Variants in TXNDC12 observed in about 807,000 individuals in gnomAD.
The protein encoded by TXNDC12 is thioredoxin domain containing 12, also known as thioredoxin domain-containing protein 12.
A neutral mutation model predicts 24.2 loss-of-function variants in TXNDC12; 22 were observed. The observed-to-expected ratio is 0.91, with a 90% CI of 0.65 to 1.30. The LOEUF (loss-of-function observed/expected upper bound fraction) is 1.30. TXNDC12 is among the 50% of genes most tolerant of loss of function. TXNDC12 has a pLI of 0.00. For synonymous variants in TXNDC12, 58 were observed against 73.4 expected, an observed-to-expected ratio of 0.79 and a Z score of 1.07; for missense variants, 184 against 205.8, an observed-to-expected ratio of 0.89 and a Z score of 0.65.
intron 1 of TXNDC12, among the ~76,000 whole-genome samples, chr1:52,046,867 ATATAT>A (rs1489730586): frequency 0.14 from 4,495 of 31,180 alleles, 94 homozygotes; most frequent in Non-Finnish European, 0.26. Flanking sequence ...AAAAAAAAAA[ATATAT>A]ATATATATAT....
intron 6 of TXNDC12, among the ~76,000 whole-genome samples, chr1:52,022,016 A>T (rs934055832): frequency 6.6e-6 from 1 of 152,102 alleles, no homozygotes; most frequent in African/African-American, 2.4e-5. Flanking sequence ...AGAATTGGAG[A>T]CCTAAAGCCC....
In TXNDC12 at chr1:52,055,140, C is replaced by A; in HGVS notation, c.-44G>T. The A allele has an allele frequency of 7.1e-7, 1 of 1,407,984 alleles. No individual in the cohort carries two copies. The highest frequency in any genetic ancestry group is 1.0e-6 in the Non-Finnish European group (1 of 993,986). The allele number at this position is 1,407,984 out of a possible 1,614,324, so 87.2% of individuals were successfully genotyped here. Reference sequence around the variant, plus strand: ...CCACGGGGCTGAGCGGACGCAGGGCCGGAGTCCCAGCAGACGGTCCACACA... The same window carrying A: ...CCACGGGGCTGAGCGGACGCAGGGCAGGAGTCCCAGCAGACGGTCCACACA... On this transcript the variant is annotated 5_prime_UTR_variant, in exon 1 of 7. Coordinates refer to ENST00000371626, the MANE Select transcript of TXNDC12 (RefSeq NM_015913.4).
In TXNDC12 at chr1:52,024,500, T is replaced by C. The variant is rs370808707; in HGVS notation, c.355+10A>G. 1.5e-5 allele frequency: 24 copies of C among 1,606,660 alleles called. No individual in the cohort carries two copies. The Middle Eastern group carries it at 2.3e-3, about 155-fold the overall frequency. On this transcript the variant is annotated intron_variant, in intron 5 of 6. Coordinates refer to ENST00000371626, the MANE Select transcript of TXNDC12 (RefSeq NM_015913.4). ...ATCATGGATTCCCAGGTTAAGATCA[T>C]GTGCCTTACCCAGAAAAAGGATTCG...
chr1:52,046,543 TC>T (rs1190059826), intron 1 of TXNDC12, among the ~76,000 whole-genome samples: 1 of 152,084 alleles, frequency 6.6e-6, no homozygotes, highest in Admixed American at 6.6e-5. Flanking sequence ...ACCAAGACAG[TC>T]CAAGGAGAAA....
rs138643853 is a variant in TXNDC12, at chr1:52,039,237, C to T, written c.158+2300G>A. On this transcript the variant is annotated intron_variant, in intron 2 of 6. Transcript: ENST00000371626. ...TGCTTCTTGGGAACACTTCCAGCAT[C>T]ACCAATGGCACCTTGTATGGGTTTC... 2.4e-3 allele frequency among the ~76,000 whole-genome samples: 364 copies of T among 152,198 alleles called. 1 individual carries two copies. Among genetic ancestry groups the T allele is most frequent in the African/African-American group, 8.5e-3 (355 of 41,524 alleles).
intron 4 of TXNDC12, 29 bp downstream of exon 4, chr1:52,027,246 G>A: frequency 6.5e-7 from 1 of 1,527,108 alleles, no homozygotes; most frequent in Non-Finnish European, 9.0e-7. Flanking sequence ...TAAAATCATA[G>A]CAGAAAGGAG....
intron 2 of TXNDC12, among the ~76,000 whole-genome samples, chr1:52,036,656 A>G (rs1266794504): frequency 1.3e-5 from 2 of 152,230 alleles, no homozygotes; most frequent in African/African-American, 2.4e-5. Context: ...TTCAGGGCAC[A>G]TATCTTAGAA....
chr1:52,027,784 T>C (rs1486654618), intron 3 of TXNDC12, among the ~76,000 whole-genome samples: 1 of 149,606 alleles, frequency 6.7e-6, no homozygotes, highest in Non-Finnish European at 1.5e-5. Context: ...ATATGTTATA[T>C]ATGTTATGTA....
rs185781997 is a variant in TXNDC12, at chr1:52,035,506, A to G, written c.158+6031T>C. 2.0e-5 allele frequency among the ~76,000 whole-genome samples: 3 copies of G among 152,260 alleles called. No individual in the cohort carries two copies. In the East Asian group the frequency reaches 5.8e-4, roughly 29 times the overall value. ...TAGATCACCTGAGGTCAGGAGCTCGAGACCAGTCTGGCCAACATGGTGAAA... is the reference window on the plus strand; with the variant it reads ...TAGATCACCTGAGGTCAGGAGCTCGGGACCAGTCTGGCCAACATGGTGAAA... On this transcript the variant is annotated intron_variant, in intron 2 of 6. Transcript: ENST00000371626.
intron 2 of TXNDC12, among the ~76,000 whole-genome samples, chr1:52,031,095 ACCAGGTTTCCAAAGCATTTTG>A (rs1685745653): frequency 1.3e-5 from 2 of 151,460 alleles, no homozygotes; most frequent in South Asian, 2.1e-4. Context: ...AGTCCTCTTC[ACCAGGTTTCCAAAGCATTTTG>A]TCTTTTGTCA....
At chr1:52,035,643 C>T (rs1022482172) in intron 2 of TXNDC12, among the ~76,000 whole-genome samples, 3 of 152,064 alleles carry the variant, frequency 2.0e-5, no homozygotes, top group Non-Finnish European at 4.4e-5. Context: ...ACCCGGGATG[C>T]GGAGGTTGCA....
chr1:52,043,322 T>C (rs1686030074), intron 1 of TXNDC12, among the ~76,000 whole-genome samples: 1 of 152,354 alleles, frequency 6.6e-6, no homozygotes, highest in East Asian at 1.9e-4. Flanking sequence ...TCTGTTTCCT[T>C]AGCATTTAGC....
At chr1:52,033,141 T>A (rs766212731) in intron 2 of TXNDC12, 28 of 1,613,798 alleles carry the variant, frequency 1.7e-5, no homozygotes, top group Non-Finnish European at 2.4e-5. Context: ...CCTCCAGGAG[T>A]TCGGGAGAGT....
chr1:52,023,227 C>A, intron 6 of TXNDC12: 1 of 345,094 alleles, frequency 2.9e-6, no homozygotes, highest in Non-Finnish European at 5.3e-6. Flanking sequence ...TGCTACTTAA[C>A]TATGAAACTA....
intron 1 of TXNDC12, among the ~76,000 whole-genome samples, chr1:52,041,906 T>C (rs1023753126): frequency 6.6e-6 from 1 of 152,216 alleles, no homozygotes; most frequent in Non-Finnish European, 1.5e-5. Flanking sequence ...TGAACGAGAA[T>C]TTCCCACAGA....
chr1:52,033,861 C>G (rs999438905), intron 2 of TXNDC12: 37 of 1,446,700 alleles, frequency 2.6e-5, no homozygotes, highest in Admixed American at 2.8e-5. Context: ...TCCTGTCTCC[C>G]TTGACTTTTA....
chr1:52,045,407 G>C (rs1686072768), intron 1 of TXNDC12, among the ~76,000 whole-genome samples: 1 of 152,160 alleles, frequency 6.6e-6, no homozygotes, highest in Admixed American at 6.5e-5. Flanking sequence ...GGTAGCTGAG[G>C]TAAAATGAGG....
At chr1:52,033,295 T>C (rs759835556) in intron 2 of TXNDC12, 262 of 1,613,872 alleles carry the variant, frequency 1.6e-4, no homozygotes, top group Non-Finnish European at 2.1e-4. Flanking sequence ...GTCCGCAGTA[T>C]GCAGTTCCCT....
intron 1 of TXNDC12, among the ~76,000 whole-genome samples, chr1:52,043,085 T>C (rs997067644): frequency 3.9e-5 from 6 of 152,052 alleles, no homozygotes; most frequent in African/African-American, 1.4e-4. Context: ...TAAATGAGAG[T>C]AGCACGCACT....
Sources: allele counts gnomAD v4.1 joint callset (sites outside exome capture counted in the v4.1 genomes callset), GRCh38; gene constraint gnomAD v4.1.1; transcripts MANE v1.5; gene names NCBI Gene and HGNC (gene_info 2026-07-23, HGNC 2026-07-21).